Variants in CDK14 observed in about 807,000 individuals in gnomAD.
CDK14 encodes the protein cyclin-dependent kinase 14.
A neutral mutation model predicts 60.7 loss-of-function variants in CDK14; 34 were observed. That is an observed-to-expected ratio of 0.56 (90% CI 0.43 to 0.75). The LOEUF (loss-of-function observed/expected upper bound fraction) is 0.75, where lower values mean the gene tolerates loss of function less well. Ranked by LOEUF, CDK14 falls within the 30% of genes least tolerant of loss-of-function variation. The pLI is 0.00. For missense variants in CDK14, 482 were observed against 564.1 expected (o/e 0.85, Z 1.47); for synonymous variants, 197 against 203.7 (o/e 0.97, Z 0.28).
intron 10 of CDK14, among the ~76,000 whole-genome samples, chr7:91,011,026 G>C (rs143379004): frequency 3.3e-5 from 5 of 151,798 alleles, no homozygotes; most frequent in African/African-American, 1.2e-4. Context: ...GTTTTTTGTC[G>C]ATTCCCTTTA....
intron 2 of CDK14, among the ~76,000 whole-genome samples, chr7:90,611,461 A>G (rs111892901): frequency 1.3e-5 from 2 of 152,198 alleles, no homozygotes; most frequent in Admixed American, 6.5e-5. Flanking sequence ...TCTCTCTGCT[A>G]TTGGCTGTAC....
chr7:90,869,508 A>G (rs1010428361), intron 6 of CDK14, among the ~76,000 whole-genome samples: 1 of 152,210 alleles, frequency 6.6e-6, no homozygotes, highest in Non-Finnish European at 1.5e-5. Flanking sequence ...TTGACTCAGA[A>G]TGAGATGGGA....
intron 3 of CDK14, among the ~76,000 whole-genome samples, chr7:90,741,499 T>G (rs1475490283): frequency 2.0e-5 from 3 of 152,204 alleles, no homozygotes; most frequent in Non-Finnish European, 4.4e-5. Flanking sequence ...GTGGGTTGAC[T>G]TCAACCATTG....
intron 14 of CDK14, among the ~76,000 whole-genome samples, chr7:91,129,426 G>A (rs1357830458): frequency 6.6e-5 from 10 of 152,132 alleles, no homozygotes; most frequent in Non-Finnish European, 2.9e-5. Flanking sequence ...TTAGGTAAAT[G>A]TCTTCTTAAT....
chr7:90,806,967 A>G (rs2374364), intron 5 of CDK14, among the ~76,000 whole-genome samples: 138,857 of 152,244 alleles, frequency 0.91, 63,449 homozygotes, highest in East Asian at 1. Flanking sequence ...CAAAGTGGCC[A>G]GGAAGCTCAA....
intron 10 of CDK14, among the ~76,000 whole-genome samples, chr7:91,003,701 A>G (rs1454211383): frequency 6.6e-6 from 1 of 152,194 alleles, no homozygotes; most frequent in African/African-American, 2.4e-5. Context: ...ACTTCCACCC[A>G]TATAATTTTG....
chr7:90,904,185 C>T (rs1792617367), intron 7 of CDK14, among the ~76,000 whole-genome samples: 1 of 152,084 alleles, frequency 6.6e-6, no homozygotes, highest in Non-Finnish European at 1.5e-5. Flanking sequence ...CTTTAGACAG[C>T]AAAAGTCGTG....
chr7:90,865,766 C>T (rs772344998), intron 6 of CDK14, among the ~76,000 whole-genome samples: 3 of 152,108 alleles, frequency 2.0e-5, no homozygotes, highest in Non-Finnish European at 4.4e-5. Context: ...GAGGGCTTTA[C>T]ATTCATTGTC....
Position 91,144,835 on chromosome 7 carries a change from A to G in CDK14, c.*28+26627A>G, listed in dbSNP as rs182133929. Among the ~76,000 whole-genome samples the G allele has an allele frequency of 2.4e-3, 365 of 152,308 alleles. 3 individuals carry two copies. Among genetic ancestry groups the G allele is most frequent in the African/African-American group, 8.3e-3 (345 of 41,574 alleles). On this transcript the variant is annotated intron_variant, in intron 14 of 14. Transcript: ENST00000380050. ...TAAAACATGCAAGAGAGAGATGATT[A>G]AAAAGAAAAACATAAGCAACTTCTA...
intron 12 of CDK14, among the ~76,000 whole-genome samples, chr7:91,094,821 C>T (rs892035113): frequency 6.6e-6 from 1 of 152,152 alleles, no homozygotes; most frequent in Admixed American, 6.6e-5. Flanking sequence ...TGTATGCTCT[C>T]CATCAGACTA....
At chr7:90,810,996 G>T (rs772354801) in intron 5 of CDK14, among the ~76,000 whole-genome samples, 12 of 152,198 alleles carry the variant, frequency 7.9e-5, no homozygotes, top group Non-Finnish European at 1.3e-4. Flanking sequence ...AATATTCCCT[G>T]CTCATGGATA....
chr7:90,617,389 A>G (rs781421593), intron 2 of CDK14, among the ~76,000 whole-genome samples: 1 of 152,110 alleles, frequency 6.6e-6, no homozygotes, highest in African/African-American at 2.4e-5. Context: ...CAGGTGCAGC[A>G]TATAGTTGGG....
intron 9 of CDK14, among the ~76,000 whole-genome samples, chr7:90,960,573 A>G (rs982281519): frequency 6.6e-6 from 1 of 152,152 alleles, no homozygotes; most frequent in Non-Finnish European, 1.5e-5. Flanking sequence ...ATATATAGAA[A>G]AATGTCCACA....
intron 12 of CDK14, among the ~76,000 whole-genome samples, chr7:91,103,029 G>T (rs1002257264): frequency 7.9e-5 from 12 of 152,104 alleles, no homozygotes; most frequent in African/African-American, 2.9e-4. Flanking sequence ...TGAGGCGGGC[G>T]GATCAACTGA....
chr7:91,152,111 T>C (rs923788450), intron 14 of CDK14, among the ~76,000 whole-genome samples: 8 of 152,212 alleles, frequency 5.3e-5, no homozygotes, highest in African/African-American at 1.9e-4. Context: ...GGAAAAATTA[T>C]AGCTCCCCAC....
At chr7:90,698,137 T>C (rs987260664) in intron 2 of CDK14, among the ~76,000 whole-genome samples, 1 of 150,432 alleles carries the variant, frequency 6.6e-6, no homozygotes, top group African/African-American at 2.4e-5. Context: ...AAAAAAGTAC[T>C]TAAAGAAAAT....
intron 5 of CDK14, among the ~76,000 whole-genome samples, chr7:90,854,653 C>CT (rs575846938): frequency 1.7e-3 from 251 of 144,382 alleles, no homozygotes; most frequent in Middle Eastern, 3.7e-3. Flanking sequence ...AACCACTCAT[C>CT]TTTTTTTTTT....
At chr7:90,648,814 A>G (rs977911806) in intron 2 of CDK14, among the ~76,000 whole-genome samples, 1 of 152,206 alleles carries the variant, frequency 6.6e-6, no homozygotes. Flanking sequence ...ATAAATAGGA[A>G]ATAGATTTAT....
At chr7:90,976,349 T>C (rs949457644) in intron 9 of CDK14, among the ~76,000 whole-genome samples, 1 of 152,012 alleles carries the variant, frequency 6.6e-6, no homozygotes, top group Admixed American at 6.6e-5. Context: ...AGATCATTTG[T>C]CCCCCCGCTT....
Sources: gnomAD v4.1 joint callset for allele counts (sites outside exome capture counted in the v4.1 genomes callset) on GRCh38, gnomAD v4.1.1 for gene constraint, MANE v1.5 for transcripts, NCBI Gene and HGNC (gene_info 2026-07-23, HGNC 2026-07-21) for gene names.